MFN1: variants seen among roughly 807,000 people sequenced by gnomAD.
MFN1 encodes mitofusin 1, also known as mitofusin-1.
In MFN1, 65 loss-of-function variants were observed where a neutral mutation model predicts 92.4. The ratio of observed to expected loss-of-function variants is 0.70; its 90% confidence interval spans 0.58 to 0.86. MFN1 has a LOEUF of 0.86. Among genes scored for constraint, MFN1 ranks in the 40% least tolerant of loss-of-function variants. The pLI is 0.00. For synonymous variants in MFN1, 297 were observed against 300.9 expected, an observed-to-expected ratio of 0.99 and a Z score of 0.13; for missense variants, 781 against 868.0, an observed-to-expected ratio of 0.90 and a Z score of 1.26.
At chr3:179,371,566 T>C (rs972301444) in intron 9 of MFN1, among the ~76,000 whole-genome samples, 3 of 152,238 alleles carry the variant, frequency 2.0e-5, no homozygotes, top group East Asian at 1.9e-4. Flanking sequence ...CATTTTCTTA[T>C]TGTTTTAAAA....
chr3:179,391,147 G>C (rs910975636), intron 17 of MFN1, among the ~76,000 whole-genome samples: 1 of 152,024 alleles, frequency 6.6e-6, no homozygotes, highest in Non-Finnish European at 1.5e-5. Context: ...TCTTAACCTA[G>C]GTAAGTTTTT....
At chr3:179,369,328 C>T (rs1343003142) in intron 9 of MFN1, among the ~76,000 whole-genome samples, 1 of 152,290 alleles carries the variant, frequency 6.6e-6, no homozygotes, top group East Asian at 1.9e-4. Flanking sequence ...CCTCCCACCT[C>T]AGCCTCCTCT....
intron 14 of MFN1, 81 bp from the exon 15 acceptor site, chr3:179,385,488 A>G: frequency 1.6e-6 from 2 of 1,275,936 alleles, no homozygotes; most frequent in Non-Finnish European, 2.1e-6. Context: ...TAGATGTGCT[A>G]CTATAATTTT....
intron 16 of MFN1, 126 bp downstream of exon 16, chr3:179,386,755 C>A: frequency 1.2e-6 from 1 of 856,048 alleles, no homozygotes; most frequent in Non-Finnish European, 1.8e-6. Flanking sequence ...TCGTGATGGC[C>A]ATAAATGAGA....
chr3:179,378,096 C>G, intron 12 of MFN1: 1 of 451,944 alleles, frequency 2.2e-6, no homozygotes, highest in Non-Finnish European at 3.9e-6. Flanking sequence ...TGGCGACACG[C>G]TTCTATAGTC....
chr3:179,356,926 G>C (rs1048560184), intron 3 of MFN1, among the ~76,000 whole-genome samples: 28 of 152,128 alleles, frequency 1.8e-4, no homozygotes, highest in Admixed American at 1.3e-3. Context: ...GAGGAGATGG[G>C]GGGGAACCTT....
chr3:179,364,019 A>G (rs1712686312), intron 5 of MFN1, among the ~76,000 whole-genome samples: 1 of 152,182 alleles, frequency 6.6e-6, no homozygotes, highest in Admixed American at 6.5e-5. Flanking sequence ...TCTCTGAGCC[A>G]TACTGGATAT....
chr3:179,362,293 G>A (rs1323181299), intron 4 of MFN1, 65 bp from the exon 5 acceptor site: 9 of 1,449,674 alleles, frequency 6.2e-6, no homozygotes, highest in Non-Finnish European at 8.3e-6. Context: ...GTACCACAAT[G>A]TTTTTAATTT....
At chr3:179,368,974 T>C (rs1421836303) in intron 9 of MFN1, among the ~76,000 whole-genome samples, 1 of 152,136 alleles carries the variant, frequency 6.6e-6, no homozygotes, top group Non-Finnish European at 1.5e-5. Flanking sequence ...GCTTACTATC[T>C]CTCATCTTTA....
intron 14 of MFN1, among the ~76,000 whole-genome samples, chr3:179,382,524 G>A (rs1197909675): frequency 6.6e-6 from 1 of 152,138 alleles, no homozygotes; most frequent in Non-Finnish European, 1.5e-5. Context: ...TAGTGCTGCA[G>A]TAAACATATG....
At chr3:179,349,003 A>C in intron 2 of MFN1, 40 bp downstream of exon 2, 1 of 1,517,084 alleles carries the variant, frequency 6.6e-7, no homozygotes, top group Non-Finnish European at 9.0e-7. Flanking sequence ...TACTGTTGAA[A>C]ATATATAAAA....
In MFN1 at chr3:179,378,813, A is replaced by G. The variant is rs1713356956; in HGVS notation, c.1661A>G (p.Gln554Arg). The G allele has an allele frequency of 6.2e-7, 1 of 1,603,786 alleles. No individual in the cohort carries two copies. The highest frequency in any genetic ancestry group is 8.5e-7 in the Non-Finnish European group (1 of 1,171,264). ...VLLGLSEPIF[Q>R]LPRSLASTPT... ...CTAGGATTATCAGAGCCTATCTTTCAGGTATGTATCTTTGAATCTACCAAT... is the reference window on the plus strand; with the variant it reads ...CTAGGATTATCAGAGCCTATCTTTCGGGTATGTATCTTTGAATCTACCAAT... The change falls in exon 14 of 18, where the codon CAG becomes CGG. Residue 554 changes from glutamine (Q) to arginine (R), a missense_variant and splice_region_variant. Gln to Arg is a conservative substitution (Grantham distance 43, BLOSUM62 1). Transcript: ENST00000471841.
rs1713290110 is a variant in MFN1, at chr3:179,377,554, T to C, written c.1329+106T>C. On this transcript the variant is annotated intron_variant, in intron 12 of 17. Coordinates refer to ENST00000471841, the MANE Select transcript of MFN1 (RefSeq NM_033540.3). ...TCAGTGTATCAGTACAAAATGAAAC[T>C]GTTAGATCTCTTGTGCCCTCTTGTA... 4.7e-6 allele frequency: 3 copies of C among 639,714 alleles called. No homozygotes were observed. In the South Asian group the frequency reaches 7.0e-5, roughly 15 times the overall value. The allele number at this position is 639,714 out of a possible 1,614,324, so 39.6% of individuals were successfully genotyped here. A position where few individuals can be genotyped will look rare whatever the true frequency, so the allele number is the denominator to read the frequency against.
At chr3:179,354,950 C>G (rs551404370) in intron 3 of MFN1, among the ~76,000 whole-genome samples, 293 of 152,232 alleles carry the variant, frequency 1.9e-3, no homozygotes, top group Non-Finnish European at 3.1e-3. Context: ...GAGTGCACCA[C>G]CACACCCAGC....
intron 14 of MFN1, among the ~76,000 whole-genome samples, chr3:179,380,763 A>G (rs1713434442): frequency 1.3e-5 from 2 of 152,222 alleles, no homozygotes; most frequent in Non-Finnish European, 2.9e-5. Context: ...GAAGGAGTTT[A>G]GAATGAAAGA....
In MFN1 at chr3:179,377,457, A is replaced by G. The variant is rs1204670161; in HGVS notation, c.1329+9A>G. 2.7e-6 allele frequency: 4 copies of G among 1,458,822 alleles called. No homozygotes were observed. In the African/African-American group the frequency reaches 4.2e-5, roughly 15 times the overall value. 90.4% of individuals were successfully genotyped at this position (1,458,822 alleles called of 1,614,324 possible). On this transcript the variant is annotated intron_variant, in intron 12 of 17. Coordinates refer to ENST00000471841, the MANE Select transcript of MFN1 (RefSeq NM_033540.3). ...TAAAAATATATAAAAGTGTAAGTTA[A>G]AGTATAGATAAAATTATTCAGAGAC...
intron 4 of MFN1, among the ~76,000 whole-genome samples, chr3:179,359,467 C>A (rs1712483956): frequency 7.0e-6 from 1 of 142,156 alleles, no homozygotes; most frequent in South Asian, 2.3e-4. Flanking sequence ...GTCACCCGGG[C>A]TAGAGTACAG....
Position 179,368,082 on chromosome 3 carries a change from G to A in MFN1, c.954G>A (p.Gln318=). 2 of 1,572,104 alleles carry A rather than the reference G, an allele frequency of 1.3e-6. No homozygotes were observed. The highest frequency in any genetic ancestry group is 1.7e-6 in the Non-Finnish European group (2 of 1,157,152). Residue 318 remains glutamine (Q), a synonymous_variant, in exon 9 of 18, where the codon CAG becomes CAA. Transcript: ENST00000471841. ...EGFHARLQEF[Q]NFEQIFEECI... ...TTCATGCAAGATTACAGGAATTTCAGAATTTTGAACAAATCTTTGAGGTAG... is the reference window on the plus strand; with the variant it reads ...TTCATGCAAGATTACAGGAATTTCAAAATTTTGAACAAATCTTTGAGGTAG...
intron 6 of MFN1, among the ~76,000 whole-genome samples, 166 bp downstream of exon 6, chr3:179,364,571 G>A (rs767937420): frequency 6.6e-6 from 1 of 152,166 alleles, no homozygotes; most frequent in Non-Finnish European, 1.5e-5. Context: ...GCTGTTTCTA[G>A]TCTTTCTATA....
Sources: allele counts gnomAD v4.1 joint callset (sites outside exome capture counted in the v4.1 genomes callset), GRCh38; gene constraint gnomAD v4.1.1; transcripts MANE v1.5; gene names NCBI Gene and HGNC (gene_info 2026-07-23, HGNC 2026-07-21).